The following WNT3A variants were observed in gnomAD, a reference collection of about 807,000 sequenced individuals.
The protein encoded by WNT3A is protein Wnt-3a.
Under a neutral mutation model 37.0 loss-of-function variants are expected in WNT3A, and 17 were observed. The observed-to-expected ratio is 0.46, with a 90% confidence interval of 0.31 to 0.69. The LOEUF is 0.69. Among genes scored for constraint, WNT3A ranks in the 30% least tolerant of loss-of-function variants. The pLI is 0.05. For synonymous variants in WNT3A, 187 were observed against 211.0 expected (o/e 0.89, Z 0.99); for missense variants, 411 against 510.2 (o/e 0.81, Z 1.87).
At chr1:228,010,805 G>C (rs1343064521) in intron 1 of WNT3A, among the ~76,000 whole-genome samples, 1 of 152,132 alleles carries the variant, frequency 6.6e-6, no homozygotes, top group African/African-American at 2.4e-5. Context: ...TCTGGGCCTC[G>C]AGCTTGTCAC....
chr1:228,052,937 G>A (rs2031589377), intron 3 of WNT3A, among the ~76,000 whole-genome samples: 2 of 152,200 alleles, frequency 1.3e-5, no homozygotes, highest in South Asian at 4.1e-4. Context: ...TTGATCTCCA[G>A]TGCAACAGTC....
chr1:228,059,729 T>G lies in WNT3A; in HGVS notation c.*264T>G. On this transcript the variant is annotated 3_prime_UTR_variant, in exon 4 of 4. Coordinates refer to ENST00000284523, the MANE Select transcript of WNT3A (RefSeq NM_033131.4). The stretch of plus-strand genomic sequence containing the variant: ...TGGGGAGGGGCTCTGCGTTGGCTTC[T>G]CCCTGGGGACGGGGCTCCCCTGGAC... 3.1e-6 allele frequency: 4 copies of G among 1,271,308 alleles called. No homozygotes were observed. The highest frequency in any genetic ancestry group is 1.6e-5 in the African/African-American group (1 of 63,498). 78.8% of individuals were successfully genotyped at this position (1,271,308 alleles called of 1,614,324 possible).
At position 228,037,630 on chromosome 1, in the gene WNT3A, AC is replaced by A. The variant is rs1032787096; in HGVS notation, c.314-13018del. Among the ~76,000 whole-genome samples, 5 of 150,960 alleles carry A rather than the reference AC, an allele frequency of 3.3e-5. No homozygotes were observed. The highest frequency in any genetic ancestry group is 2.0e-4 in the East Asian group (1 of 5,094). On this transcript the variant is annotated intron_variant, in intron 2 of 3. Coordinates refer to ENST00000284523, the MANE Select transcript of WNT3A (RefSeq NM_033131.4). This position sits in a 1 kb window ranked among gnomAD's most constrained non-coding sequence, Gnocchi z 4.1. ...CCCCAAAGCCAGGTTGCGACCCCTG[AC>A]CCCCCCCATCGGAAAGTGTTGCCGT...
Position 228,055,171 on chromosome 1 carries a change from AAAAAAAAAATATATATATATATATATAT to A in WNT3A, c.580-3813_580-3786del, listed in dbSNP as rs1351831694. Among the ~76,000 whole-genome samples, 3 of 73,050 alleles carry A rather than the reference AAAAAAAAAATATATATATATATATATAT, an allele frequency of 4.1e-5. 1 individual carries two copies. Among genetic ancestry groups the A allele is most frequent in the Admixed American group, 3.6e-4 (2 of 5,590 alleles). The allele number at this position is 73,050 out of a possible 152,430, so 47.9% of individuals were successfully genotyped here. A position where few individuals can be genotyped will look rare whatever the true frequency, so the allele number is the denominator to read the frequency against. ...GAAACTCCGTCCCAAAAAAAAAAAA[AAAAAAAAAATATATATATATATATATAT>A]ATATATATATATATATATATACACA... On this transcript the variant is annotated intron_variant, in intron 3 of 3. Transcript: ENST00000284523.
At chr1:228,015,358 C>A (rs1403997628) in intron 1 of WNT3A, among the ~76,000 whole-genome samples, 2 of 152,204 alleles carry the variant, frequency 1.3e-5, no homozygotes, top group Non-Finnish European at 2.9e-5. Context: ...TTTGCACAGC[C>A]AGAGGGATAT....
At chr1:228,041,296 C>G (rs2031279634) in intron 2 of WNT3A, among the ~76,000 whole-genome samples, 1 of 152,110 alleles carries the variant, frequency 6.6e-6, no homozygotes, top group Non-Finnish European at 1.5e-5. Flanking sequence ...GTGATGGAGC[C>G]TTGCCTGGCA....
At chr1:228,052,276 T>C (rs1377499487) in intron 3 of WNT3A, among the ~76,000 whole-genome samples, 1 of 151,960 alleles carries the variant, frequency 6.6e-6, no homozygotes, top group Middle Eastern at 3.2e-3. Context: ...TCTGAGTAGC[T>C]GGGACTATAG....
chr1:228,056,321 G>T (rs1339027796), intron 3 of WNT3A, among the ~76,000 whole-genome samples: 1 of 152,168 alleles, frequency 6.6e-6, no homozygotes, highest in Non-Finnish European at 1.5e-5. Flanking sequence ...ATGGGAAAGA[G>T]ACATTGTAAA....
Position 228,050,573 on chromosome 1 carries a change from C to T in WNT3A, c.314-83C>T, listed in dbSNP as rs1290613715. The T allele has an allele frequency of 1.3e-6, 2 of 1,481,832 alleles. No individual in the cohort carries two copies. Among genetic ancestry groups the T allele is most frequent in the Admixed American group, 2.3e-5 (1 of 42,662 alleles). The allele number at this position is 1,481,832 out of a possible 1,614,324, so 91.8% of individuals were successfully genotyped here. A position where few individuals can be genotyped will look rare whatever the true frequency, so the allele number is the denominator to read the frequency against. The stretch of plus-strand genomic sequence containing the variant: ...CCTCACGAGTTCCTTTATAACAATG[C>T]AAATGGGCTAAGACCCCTGACCTGC... On this transcript the variant is annotated intron_variant, in intron 2 of 3. Coordinates refer to ENST00000284523, the MANE Select transcript of WNT3A (RefSeq NM_033131.4). This position sits in a 1 kb window ranked among gnomAD's most constrained non-coding sequence, Gnocchi z 5.0.
chr1:228,010,536 C>T (rs1384689406), intron 1 of WNT3A, among the ~76,000 whole-genome samples: 1 of 152,200 alleles, frequency 6.6e-6, no homozygotes, highest in African/African-American at 2.4e-5. Flanking sequence ...CTGGCCATAG[C>T]CACCGTCGCT....
chr1:228,045,861 C>T (rs915027335), intron 2 of WNT3A, among the ~76,000 whole-genome samples: 2 of 152,216 alleles, frequency 1.3e-5, no homozygotes, highest in African/African-American at 4.8e-5. Context: ...GCCCACGGCT[C>T]CTGCCTTTCA....
At position 228,008,352 on chromosome 1, in the gene WNT3A, G is replaced by A. The variant is rs2030267439; in HGVS notation, c.71+1153G>A. ...GGGAAGGGGGGAGACCCAGCGAGCC[G>A]AGGTACATCTAATCCGATAATAATT... is the stretch of plus-strand genomic sequence containing the variant. On this transcript the variant is annotated intron_variant, in intron 1 of 3. Coordinates refer to ENST00000284523, the MANE Select transcript of WNT3A (RefSeq NM_033131.4). The surrounding 1 kb of genome is among the most constrained non-coding windows in gnomAD (Gnocchi z 4.9). Among the ~76,000 whole-genome samples the A allele has an allele frequency of 6.6e-6, 1 of 152,176 alleles. No individual in the cohort carries two copies. Among genetic ancestry groups the A allele is most frequent in the African/African-American group, 2.4e-5 (1 of 41,448 alleles).
At chr1:228,029,529 C>G (rs896087945) in intron 2 of WNT3A, among the ~76,000 whole-genome samples, 4 of 152,142 alleles carry the variant, frequency 2.6e-5, no homozygotes, top group African/African-American at 9.7e-5. Flanking sequence ...GAAAGTCCTC[C>G]CAGGGACCTT....
chr1:228,041,352 T>G (rs1326232802), intron 2 of WNT3A, among the ~76,000 whole-genome samples: 2 of 151,916 alleles, frequency 1.3e-5, no homozygotes, highest in Non-Finnish European at 2.9e-5. Flanking sequence ...CACCTAGAAC[T>G]CCCTCACCTT....
rs2031020410 is a variant in WNT3A, at chr1:228,031,913, C to G, written c.313+9005C>G. Among the ~76,000 whole-genome samples, 1 of 152,134 alleles carries G rather than the reference C, an allele frequency of 6.6e-6. No homozygotes were observed. The highest frequency in any genetic ancestry group is 1.5e-5 in the Non-Finnish European group (1 of 68,024). On this transcript the variant is annotated intron_variant, in intron 2 of 3. Transcript: ENST00000284523. The surrounding 1 kb of genome is among the most constrained non-coding windows in gnomAD (Gnocchi z 4.8). Reference sequence around the variant, plus strand: ...TGGGGTGCTTAGGGCTGCCACTCCCCCTCTGAGAAGGAAGCAGCGATTTTA... The same window carrying G: ...TGGGGTGCTTAGGGCTGCCACTCCCGCTCTGAGAAGGAAGCAGCGATTTTA...
intron 2 of WNT3A, among the ~76,000 whole-genome samples, chr1:228,044,784 C>T (rs2031363891): frequency 6.6e-6 from 1 of 152,222 alleles, no homozygotes; most frequent in Admixed American, 6.5e-5. Flanking sequence ...CTTGTGGCTT[C>T]AACTTTAATG....
chr1:228,059,473 C>T lies in WNT3A; in HGVS notation c.*8C>T. 1.3e-6 allele frequency: 2 copies of T among 1,495,012 alleles called. No homozygotes were observed. Among genetic ancestry groups the T allele is most frequent in the South Asian group, 2.7e-5 (2 of 73,446 alleles). 92.6% of individuals were successfully genotyped at this position (1,495,012 alleles called of 1,614,324 possible). A position where few individuals can be genotyped will look rare whatever the true frequency, so the allele number is the denominator to read the frequency against. On this transcript the variant is annotated 3_prime_UTR_variant, in exon 4 of 4. Transcript: ENST00000284523. ...GTGCACACCTGCAAGTAGGCACCGGCCGCGGCTCCCCCTGGACGGGGCGGG... is the reference window on the plus strand; with the variant it reads ...GTGCACACCTGCAAGTAGGCACCGGTCGCGGCTCCCCCTGGACGGGGCGGG...
At chr1:228,017,489 G>A (rs1005152080) in intron 1 of WNT3A, among the ~76,000 whole-genome samples, 2 of 152,152 alleles carry the variant, frequency 1.3e-5, no homozygotes, top group African/African-American at 4.8e-5. Context: ...GAGGCGGGAG[G>A]ATGGCTTGAG....
chr1:228,023,594 CTG>C (rs1184573090), intron 2 of WNT3A, among the ~76,000 whole-genome samples: 1 of 151,706 alleles, frequency 6.6e-6, no homozygotes, highest in Admixed American at 6.6e-5. Flanking sequence ...GAGAGAGAAA[CTG>C]AGAGACAGAG....
Sources: allele counts gnomAD v4.1 joint callset (sites outside exome capture counted in the v4.1 genomes callset), GRCh38; gene constraint gnomAD v4.1.1; non-coding constraint Gnocchi (gnomAD v3.1); transcripts MANE v1.5; gene names NCBI Gene and HGNC (gene_info 2026-07-23, HGNC 2026-07-21).